Variants in SLC2A13 observed in about 807,000 individuals in gnomAD.
SLC2A13 encodes the protein solute carrier family 2 member 13, also known as proton myo-inositol cotransporter.
SLC2A13 carries 32 observed loss-of-function variants against 64.4 expected under a neutral mutation model. The ratio of observed to expected loss-of-function variants is 0.50; its 90% CI spans 0.37 to 0.67. The LOEUF (loss-of-function observed/expected upper bound fraction) is 0.67. Ranked by LOEUF, SLC2A13 falls within the 30% of genes least tolerant of loss-of-function variation. The pLI, the probability that SLC2A13 is intolerant of heterozygous loss-of-function variation, is 0.00. For missense variants in SLC2A13, 743 were observed against 829.2 expected (o/e 0.90, Z 1.28); for synonymous variants, 338 against 327.1 (o/e 1.03, Z -0.36).
chr12:39,787,063 G>A (rs1021347388), intron 7 of SLC2A13, among the ~76,000 whole-genome samples: 10 of 152,000 alleles, frequency 6.6e-5, no homozygotes, highest in African/African-American at 2.2e-4. Context: ...TAGATGTTAC[G>A]GTAAACCTCT....
At position 40,052,907 on chromosome 12, in the gene SLC2A13, C is replaced by T. The variant is rs1028828116; in HGVS notation, c.557-4697G>A. On this transcript the variant is annotated intron_variant, in intron 1 of 9. Coordinates refer to ENST00000280871, the MANE Select transcript of SLC2A13 (RefSeq NM_052885.4). ...GAGGGGGAACTGAGAAGGTTCATGA[C>T]GAGCAAATATCTACCTTACCTTTCA... 4.6e-5 allele frequency among the ~76,000 whole-genome samples: 7 copies of T among 152,148 alleles called. No homozygotes were observed. The South Asian group carries it at 1.2e-3, about 27-fold the overall frequency.
At chr12:39,893,005 G>T (rs1315328722) in intron 4 of SLC2A13, among the ~76,000 whole-genome samples, 2 of 152,016 alleles carry the variant, frequency 1.3e-5, no homozygotes, top group Admixed American at 6.5e-5. Flanking sequence ...GTTACAATTT[G>T]CTTTAAGCTA....
intron 3 of SLC2A13, among the ~76,000 whole-genome samples, chr12:39,969,652 T>G (rs1946604119): frequency 6.6e-6 from 1 of 152,172 alleles, no homozygotes; most frequent in African/African-American, 2.4e-5. Flanking sequence ...GGGTTGTTTG[T>G]TTTTTTCTTG....
intron 3 of SLC2A13, among the ~76,000 whole-genome samples, chr12:39,985,809 C>T (rs749122053): frequency 2.6e-5 from 4 of 152,108 alleles, no homozygotes; most frequent in Admixed American, 2.0e-4. Context: ...TGGTTCTTTA[C>T]CTCTTTTCAT....
intron 4 of SLC2A13, among the ~76,000 whole-genome samples, chr12:39,946,303 T>C (rs1031804263): frequency 2.6e-5 from 4 of 152,162 alleles, no homozygotes; most frequent in Non-Finnish European, 4.4e-5. Context: ...TTCTTAATTT[T>C]GGTGGTTTAA....
At chr12:40,042,702 T>A (rs1948108747) in intron 2 of SLC2A13, among the ~76,000 whole-genome samples, 1 of 152,134 alleles carries the variant, frequency 6.6e-6, no homozygotes. Flanking sequence ...TTCTGCGCCC[T>A]TCCTAGATCT....
chr12:39,952,999 T>TAA (rs1439497155), intron 3 of SLC2A13, among the ~76,000 whole-genome samples: 2 of 120,288 alleles, frequency 1.7e-5, no homozygotes, highest in African/African-American at 6.0e-5. Flanking sequence ...ATTTTTTTTT[T>TAA]AAAAAAAGAC....
intron 2 of SLC2A13, among the ~76,000 whole-genome samples, chr12:40,031,651 C>T (rs1477654068): frequency 3.3e-5 from 5 of 152,210 alleles, no homozygotes; most frequent in Non-Finnish European, 5.9e-5. Context: ...GAACTCCTAA[C>T]CACGCAATCA....
chr12:40,010,825 T>A (rs1027859419), intron 3 of SLC2A13, among the ~76,000 whole-genome samples: 5 of 152,126 alleles, frequency 3.3e-5, no homozygotes, highest in Non-Finnish European at 7.4e-5. Context: ...CTAAATGACT[T>A]GGTAAACAGC....
chr12:40,052,826 T>C (rs1054260514), intron 1 of SLC2A13, among the ~76,000 whole-genome samples: 2 of 152,118 alleles, frequency 1.3e-5, no homozygotes, highest in Non-Finnish European at 2.9e-5. Flanking sequence ...CTCAATGGCA[T>C]ACGAGAAGAA....
At chr12:39,933,882 T>G (rs931584186) in intron 4 of SLC2A13, among the ~76,000 whole-genome samples, 4 of 152,140 alleles carry the variant, frequency 2.6e-5, no homozygotes, top group Non-Finnish European at 5.9e-5. Context: ...AAGTTGAGAC[T>G]TAGAGTGTCT....
chr12:40,071,579 G>A (rs1032985145), intron 1 of SLC2A13, among the ~76,000 whole-genome samples: 8 of 152,058 alleles, frequency 5.3e-5, no homozygotes, highest in African/African-American at 1.4e-4. Flanking sequence ...TAAACAATTG[G>A]TACAGTTTCT....
At position 39,770,663 on chromosome 12, in the gene SLC2A13, T is replaced by C. The variant is rs376170983; in HGVS notation, c.1446-5805A>G. Among the ~76,000 whole-genome samples the C allele has an allele frequency of 1.1e-4, 16 of 152,294 alleles. No homozygotes were observed. In the East Asian group the frequency reaches 2.3e-3, roughly 22 times the overall value. The stretch of plus-strand genomic sequence containing the variant: ...GCATCTGCACACTCAATGCTTAGCA[T>C]ACTGCCTGGCATGTGGTATATGCAT... On this transcript the variant is annotated intron_variant, in intron 7 of 9. Coordinates refer to ENST00000280871, the MANE Select transcript of SLC2A13 (RefSeq NM_052885.4).
At chr12:39,969,566 C>T (rs1248008807) in intron 3 of SLC2A13, among the ~76,000 whole-genome samples, 11 of 152,114 alleles carry the variant, frequency 7.2e-5, no homozygotes, top group Non-Finnish European at 1.2e-4. Flanking sequence ...ATGAGCATTT[C>T]TTCATGTGTT....
intron 1 of SLC2A13, among the ~76,000 whole-genome samples, chr12:40,079,708 C>A (rs1451795896): frequency 6.6e-6 from 1 of 152,146 alleles, no homozygotes; most frequent in African/African-American, 2.4e-5. Flanking sequence ...GTTGAAGTCT[C>A]CCATTATTAT....
intron 7 of SLC2A13, among the ~76,000 whole-genome samples, chr12:39,773,176 CT>C (rs1345187251): frequency 1.3e-5 from 2 of 152,128 alleles, no homozygotes; most frequent in African/African-American, 4.8e-5. Flanking sequence ...GATGTGGCAC[CT>C]TTTCACCACA....
intron 1 of SLC2A13, among the ~76,000 whole-genome samples, chr12:40,074,677 GCT>G (rs1414221591): frequency 3.3e-5 from 5 of 152,030 alleles, no homozygotes; most frequent in Admixed American, 1.3e-4. Flanking sequence ...TCTGATGTTT[GCT>G]CTGTCTCTTC....
intron 7 of SLC2A13, among the ~76,000 whole-genome samples, chr12:39,789,942 T>A (rs2135759564): frequency 6.6e-6 from 1 of 152,210 alleles, no homozygotes; most frequent in African/African-American, 2.4e-5. Flanking sequence ...AGGATATCTT[T>A]AATATACAAC....
intron 9 of SLC2A13, among the ~76,000 whole-genome samples, chr12:39,762,369 T>TTAAG (rs1233309655): frequency 6.6e-6 from 1 of 152,136 alleles, no homozygotes; most frequent in Non-Finnish European, 1.5e-5. Flanking sequence ...GAGCCCTACA[T>TTAAG]TAAGTTCCAG....
Sources: gnomAD v4.1 joint callset for allele counts (sites outside exome capture counted in the v4.1 genomes callset) on GRCh38, gnomAD v4.1.1 for gene constraint, MANE v1.5 for transcripts, NCBI Gene and HGNC (gene_info 2026-07-23, HGNC 2026-07-21) for gene names.